CFAP20DC: variants seen among roughly 807,000 people sequenced by gnomAD.
CFAP20DC encodes the protein CFAP20 domain containing.
Under a neutral mutation model 101.7 loss-of-function variants are expected in CFAP20DC, and 84 were observed. The observed-to-expected ratio is 0.83, with a 90% confidence interval of 0.69 to 0.99. The LOEUF is 0.99. Ranked by LOEUF, CFAP20DC falls within the 50% of genes least tolerant of loss-of-function variation. CFAP20DC has a pLI of 0.00. For missense variants in CFAP20DC, 1,007 were observed against 970.3 expected (o/e 1.04, Z -0.50); for synonymous variants, 359 against 351.2 (o/e 1.02, Z -0.25).
chr3:58,739,418 T>C (rs79652011), downstream of CFAP20DC, among the ~76,000 whole-genome samples: 1,604 of 152,360 alleles, frequency 0.011, 51 homozygotes, highest in Admixed American at 0.061. Context: ...ATCTATTTTT[T>C]TTAGTCTCCA....
At position 58,765,291 on chromosome 3, in the gene CFAP20DC, C is replaced by T. The variant is rs183093559; in HGVS notation, c.2238-11428G>A. On this transcript the variant is annotated intron_variant, in intron 15 of 16. Coordinates refer to ENST00000482387, the MANE Select transcript of CFAP20DC (RefSeq NM_001394063.1). ...ACACATATATACATCTACACACACA[C>T]ACACGCACACACATATACACATAAC... Among the ~76,000 whole-genome samples, 144 of 152,106 alleles carry T rather than the reference C, an allele frequency of 9.5e-4. 2 individuals are homozygous for T. The highest frequency in any genetic ancestry group is 3.3e-3 in the African/African-American group (138 of 41,522).
At chr3:58,760,032 T>C (rs1255271921) in intron 15 of CFAP20DC, among the ~76,000 whole-genome samples, 2 of 152,116 alleles carry the variant, frequency 1.3e-5, no homozygotes, top group African/African-American at 4.8e-5. Context: ...CTTTTTGGTT[T>C]CATATGAACT....
chr3:58,940,212 G>A (rs2088340089), intron 4 of CFAP20DC, among the ~76,000 whole-genome samples: 1 of 152,280 alleles, frequency 6.6e-6, no homozygotes, highest in African/African-American at 2.4e-5. Context: ...AAAATTGCTG[G>A]GAGTACGTCA....
At chr3:58,730,269 T>C (rs953611672) in intron 3 of CFAP20DC, among the ~76,000 whole-genome samples, 4 of 152,208 alleles carry the variant, frequency 2.6e-5, no homozygotes, top group Non-Finnish European at 5.9e-5. Flanking sequence ...GTATGGGAGA[T>C]GATGAATATG....
chr3:58,765,526 A>G (rs1003597239), intron 15 of CFAP20DC, among the ~76,000 whole-genome samples: 19 of 151,382 alleles, frequency 1.3e-4, no homozygotes, highest in Middle Eastern at 3.4e-3. Flanking sequence ...AACACAAAAC[A>G]TGAGCTGTAC....
chr3:58,786,952 T>C (rs543594460), intron 15 of CFAP20DC, among the ~76,000 whole-genome samples: 4 of 151,962 alleles, frequency 2.6e-5, no homozygotes, highest in East Asian at 3.9e-4. Context: ...GAAAAAAATA[T>C]AGCATATATA....
At position 58,849,199 on chromosome 3, in the gene CFAP20DC, T is replaced by C. The variant is rs895756011; in HGVS notation, c.1804A>G (p.Thr602Ala). 1.5e-5 allele frequency: 23 copies of C among 1,536,134 alleles called. No individual in the cohort carries two copies. The highest frequency in any genetic ancestry group is 1.9e-5 in the Non-Finnish European group (22 of 1,146,896). ...RNNFEMSLLPTTCLSPTGRRC... is the reference protein window; with the variant it reads ...RNNFEMSLLPATCLSPTGRRC... Reference sequence around the variant, plus strand: ...CTTCCAGTTGGAGAAAGGCATGTTGTAGGCAACAAACTCATTTCAAAGTTA... The same window carrying C: ...CTTCCAGTTGGAGAAAGGCATGTTGCAGGCAACAAACTCATTTCAAAGTTA... Residue 602 changes from threonine (T) to alanine (A), a missense_variant, in exon 13 of 17, where the codon ACA becomes GCA. By Grantham distance (58) the Thr-to-Ala change is moderately conservative. Coordinates refer to ENST00000482387, the MANE Select transcript of CFAP20DC (RefSeq NM_001394063.1).
chr3:58,849,993 T>C lies in CFAP20DC; in HGVS notation c.1594-584A>G, dbSNP rs371284525. 9.8e-5 allele frequency among the ~76,000 whole-genome samples: 15 copies of C among 152,294 alleles called. 1 individual carries two copies. The highest frequency in any genetic ancestry group is 3.4e-4 in the African/African-American group (14 of 41,570). On this transcript the variant is annotated intron_variant, in intron 12 of 16. Transcript: ENST00000482387. ...ATTTTAGTTTTAGAAAGTATATTTT[T>C]CCACAAAATATGAACGTCATTAAAT...
chr3:58,720,702 C>T (rs1459258046), intron 3 of CFAP20DC, among the ~76,000 whole-genome samples: 1 of 152,152 alleles, frequency 6.6e-6, no homozygotes, highest in African/African-American at 2.4e-5. Context: ...TATAAATGTG[C>T]CTTTCCTCTT....
chr3:58,860,805 G>A (rs1267475323), intron 12 of CFAP20DC, among the ~76,000 whole-genome samples: 1 of 152,066 alleles, frequency 6.6e-6, no homozygotes, highest in Non-Finnish European at 1.5e-5. Context: ...AATATGAAAA[G>A]CACTCTATTT....
At chr3:58,755,236 C>A (rs1368574736) in intron 15 of CFAP20DC, among the ~76,000 whole-genome samples, 28 of 152,108 alleles carry the variant, frequency 1.8e-4, no homozygotes, top group Non-Finnish European at 1.5e-5. Flanking sequence ...GTGAAATATG[C>A]AAGGTGAGCA....
intron 3 of CFAP20DC, among the ~76,000 whole-genome samples, chr3:58,723,902 G>A (rs2067508737): frequency 6.6e-6 from 1 of 152,204 alleles, no homozygotes; most frequent in African/African-American, 2.4e-5. Flanking sequence ...GACAACCATG[G>A]TTAAATATAT....
intron 6 of CFAP20DC, among the ~76,000 whole-genome samples, chr3:58,900,734 G>A (rs2083076428): frequency 6.6e-6 from 1 of 152,188 alleles, no homozygotes; most frequent in Non-Finnish European, 1.5e-5. Context: ...CAGATGGTGG[G>A]TTTCTTGATG....
intron 2 of CFAP20DC, 64 bp downstream of exon 2, chr3:59,047,101 T>G: frequency 9.3e-7 from 1 of 1,078,282 alleles, no homozygotes; most frequent in Non-Finnish European, 1.3e-6. Context: ...TCACGCCCTT[T>G]CTTCTATAAG....
At chr3:58,949,683 T>G (rs969559592) in intron 4 of CFAP20DC, among the ~76,000 whole-genome samples, 2 of 152,142 alleles carry the variant, frequency 1.3e-5, no homozygotes, top group Non-Finnish European at 2.9e-5. Context: ...ATTATCTCAA[T>G]AGATGCAGAA....
At chr3:58,727,326 C>G (rs2067567583) in intron 3 of CFAP20DC, 1 of 152,428 alleles carries the variant, frequency 6.6e-6, no homozygotes, top group Non-Finnish European at 1.5e-5. Context: ...GTAAATATTT[C>G]TAGTTCAGGC....
At position 58,724,556 on chromosome 3, in the gene CFAP20DC, AG is replaced by A. The variant is rs2067521429; in HGVS notation, c.198-6929del. On this transcript the variant is annotated intron_variant, in intron 3 of 3. Coordinates refer to the CFAP20DC transcript ENST00000486145. The surrounding 1 kb of genome is among the most constrained non-coding windows in gnomAD (Gnocchi z 5.6). ...CGATAAGTTAAAGATATGCTGTTTG[AG>A]CACAAAGGAGATTCGTTTAAATCAC... 6.6e-6 allele frequency among the ~76,000 whole-genome samples: 1 copy of A among 152,220 alleles called. No homozygotes were observed. The highest frequency in any genetic ancestry group is 1.5e-5 in the Non-Finnish European group (1 of 68,046).
intron 1 of CFAP20DC, among the ~76,000 whole-genome samples, chr3:59,048,772 G>C (rs116655936): frequency 1.3e-5 from 2 of 152,072 alleles, no homozygotes; most frequent in Admixed American, 6.5e-5. Context: ...AGTAACAAAC[G>C]TTCATCAGAA....
intron 7 of CFAP20DC, 60 bp from the exon 8 acceptor site, chr3:58,870,369 C>G (rs1435573280): frequency 1.9e-5 from 29 of 1,538,138 alleles, no homozygotes; most frequent in Non-Finnish European, 2.4e-5. Flanking sequence ...AAACATCACA[C>G]TGCAATCTTT....
Sources: gnomAD v4.1 joint callset for allele counts (sites outside exome capture counted in the v4.1 genomes callset) on GRCh38, gnomAD v4.1.1 for gene constraint, Gnocchi (gnomAD v3.1) non-coding constraint, MANE v1.5 for transcripts, NCBI Gene and HGNC (gene_info 2026-07-23, HGNC 2026-07-21) for gene names.